ZNF732: variants seen among roughly 807,000 people sequenced by gnomAD.
The protein encoded by ZNF732 is zinc finger protein 732.
In ZNF732, 12 loss-of-function variants were observed where a neutral mutation model predicts 11.5. The ratio of observed to expected loss-of-function variants is 1.05; its 90% CI spans 0.67 to 1.70. ZNF732 has a LOEUF of 1.70. Ranked by LOEUF, ZNF732 falls within the 40% of genes most tolerant of loss-of-function variation. ZNF732 has a pLI of 0.00. For missense variants in ZNF732, 702 were observed against 676.9 expected, an observed-to-expected ratio of 1.04 and a Z score of -0.41; for synonymous variants, 231 against 236.5, an observed-to-expected ratio of 0.98 and a Z score of 0.21.
At chr4:283,566 A>G (rs539386449) in intron 3 of ZNF732, among the ~76,000 whole-genome samples, 6 of 152,084 alleles carry the variant, frequency 3.9e-5, no homozygotes, top group Non-Finnish European at 7.4e-5. Flanking sequence ...TCAAAAGAAT[A>G]TAACAATTAA....
intron 1 of ZNF732, among the ~76,000 whole-genome samples, chr4:299,439 A>ATGTG (rs1720046945): frequency 2.2e-5 from 1 of 45,820 alleles, no homozygotes; most frequent in Non-Finnish European, 4.2e-5. Context: ...ATATGTGTAT[A>ATGTG]TATATATATA....
In ZNF732 at chr4:271,000, A is replaced by G. The variant is rs1221395994; in HGVS notation, c.*99T>C. The G allele has an allele frequency of 2.8e-6, 3 of 1,061,172 alleles. No individual in the cohort carries two copies. The highest frequency in any genetic ancestry group is 1.6e-5 in the African/African-American group (1 of 62,070). 65.7% of individuals were successfully genotyped at this position (1,061,172 alleles called of 1,614,324 possible). On this transcript the variant is annotated 3_prime_UTR_variant, in exon 4 of 4. Transcript: ENST00000419098. ...TTGTGGACCATCCAAAAGCTTTGCC[A>G]CATTCTTCACATTTGTATAGTTTAT...
At chr4:277,550 A>G (rs1413694338) in intron 3 of ZNF732, among the ~76,000 whole-genome samples, 6 of 152,102 alleles carry the variant, frequency 3.9e-5, no homozygotes, top group African/African-American at 1.4e-4. Context: ...AATGCAAATC[A>G]AAACCACAAT....
intron 1 of ZNF732, among the ~76,000 whole-genome samples, chr4:299,548 T>A (rs1720065086): frequency 7.3e-6 from 1 of 137,484 alleles, no homozygotes; most frequent in African/African-American, 2.7e-5. Context: ...TATACACATA[T>A]ATATGTATAT....
chr4:286,024 G>A (rs1719722151), intron 3 of ZNF732, among the ~76,000 whole-genome samples: 1 of 152,220 alleles, frequency 6.6e-6, no homozygotes, highest in Admixed American at 6.5e-5. Flanking sequence ...TGGGATATGT[G>A]TCCACATTTC....
chr4:298,201 A>G (rs953702034), intron 1 of ZNF732, among the ~76,000 whole-genome samples: 23 of 152,318 alleles, frequency 1.5e-4, no homozygotes, highest in African/African-American at 5.3e-4. Context: ...AAACAATAAA[A>G]GGGAAGTAAC....
intron 3 of ZNF732, among the ~76,000 whole-genome samples, chr4:293,055 A>G (rs1553841581): frequency 7.3e-6 from 1 of 136,368 alleles, no homozygotes; most frequent in Non-Finnish European, 1.6e-5. Flanking sequence ...GCAACAGAGC[A>G]AGACTCCATC....
chr4:305,183 C>G, intron 1 of ZNF732, 125 bp downstream of exon 1: 2 of 1,353,592 alleles, frequency 1.5e-6, no homozygotes, highest in Non-Finnish European at 2.0e-6. Flanking sequence ...CCGGAAGGGA[C>G]CAAGGACTGA....
chr4:295,625 G>T (rs782410776), intron 2 of ZNF732, 92 bp from the exon 3 acceptor site: 5 of 1,108,408 alleles, frequency 4.5e-6, no homozygotes, highest in Admixed American at 3.0e-5. Flanking sequence ...AATTATGGAA[G>T]ATCCTACATA....
At chr4:279,578 ATTGT>A (rs1475023479) in intron 3 of ZNF732, among the ~76,000 whole-genome samples, 1 of 152,178 alleles carries the variant, frequency 6.6e-6, no homozygotes, top group East Asian at 1.9e-4. Flanking sequence ...ATGGCAGTTT[ATTGT>A]TTATGAGGTA....
At chr4:296,282 G>T in intron 1 of ZNF732, 127 bp from the exon 2 acceptor site, 2 of 1,268,814 alleles carry the variant, frequency 1.6e-6, no homozygotes, top group South Asian at 1.6e-5. Context: ...ACACAGTAAT[G>T]TTCTCTAAAG....
At chr4:280,739 A>C (rs1236321310) in intron 3 of ZNF732, among the ~76,000 whole-genome samples, 1 of 152,200 alleles carries the variant, frequency 6.6e-6, no homozygotes, top group Non-Finnish European at 1.5e-5. Flanking sequence ...CCAGCTACAG[A>C]ATAAAATGTG....
intron 3 of ZNF732, among the ~76,000 whole-genome samples, chr4:277,362 T>C (rs1449937343): frequency 1.3e-5 from 2 of 152,096 alleles, no homozygotes; most frequent in East Asian, 1.9e-4. Flanking sequence ...ATCTACACAA[T>C]GAAATAAAAT....
chr4:271,801 A>G lies in ZNF732; in HGVS notation c.1056T>C (p.His352=). The change falls in exon 4 of 4, where the codon CAT becomes CAC. Residue 352 remains histidine (H), a synonymous_variant. Transcript: ENST00000419098. ...GCTTCTCTCCAGTATGAATTCTCTT[A>G]TGTTCATTCAGAACTGAGGACCTAC... ...AFSRSSVLNE[H]KRIHTGEKPY... The G allele has an allele frequency of 6.2e-7, 1 of 1,613,144 alleles. No homozygotes were observed. Among genetic ancestry groups the G allele is most frequent in the Non-Finnish European group, 8.5e-7 (1 of 1,179,586 alleles).
Position 271,710 on chromosome 4 carries a change from T to C in ZNF732, c.1147A>G (p.Ile383Val). Residue 383 changes from isoleucine (I) to valine (V), a missense_variant, in exon 4 of 4, where the codon ATT becomes GTT. Physicochemically the swap from Ile to Val is conservative, Grantham distance 29 (BLOSUM62 3). This residue lies in a region of ZNF732 where 596 missense variants were observed against 557.9 expected (regional missense o/e 1.07). Coordinates refer to ENST00000419098, the MANE Select transcript of ZNF732 (RefSeq NM_001137608.3). ...GTGTAGGGTTTCTCTCCAGTATGAA[T>C]ACTCTTATGTTTATTAAGGGTTGCG... is the stretch of plus-strand genomic sequence containing the variant. Reference protein sequence around the residue: ...QSATLNKHKSIHTGEKPYTCE... With the variant: ...QSATLNKHKSVHTGEKPYTCE... 5 of 1,612,962 alleles carry C rather than the reference T, an allele frequency of 3.1e-6. No homozygotes were observed. In the South Asian group the frequency reaches 5.5e-5, roughly 18 times the overall value.
At chr4:288,726 T>C (rs910404852) in intron 3 of ZNF732, among the ~76,000 whole-genome samples, 1 of 152,224 alleles carries the variant, frequency 6.6e-6, no homozygotes, top group Non-Finnish European at 1.5e-5. Context: ...GTCCTTGAAA[T>C]TCTATGTAAA....
At chr4:305,202 C>A (rs1404806286) in intron 1 of ZNF732, 106 bp downstream of exon 1, 4 of 1,426,006 alleles carry the variant, frequency 2.8e-6, no homozygotes, top group South Asian at 1.4e-5. Flanking sequence ...GAGGGCTGAG[C>A]GGCGGCAGCG....
chr4:290,593 C>G (rs1456631702), intron 3 of ZNF732, among the ~76,000 whole-genome samples: 1 of 152,212 alleles, frequency 6.6e-6, no homozygotes, highest in Non-Finnish European at 1.5e-5. Context: ...CACAGAGAGA[C>G]CTGTAAAAAC....
chr4:277,483 A>G (rs1719521686), intron 3 of ZNF732, among the ~76,000 whole-genome samples: 1 of 152,032 alleles, frequency 6.6e-6, no homozygotes, highest in Admixed American at 6.6e-5. Context: ...TTTCAAAAGA[A>G]ATACAGATGG....
Sources: gnomAD v4.1 joint callset for allele counts (sites outside exome capture counted in the v4.1 genomes callset) on GRCh38, gnomAD v4.1.1 for gene constraint, gnomAD v4.1.1 regional missense constraint, MANE v1.5 for transcripts, NCBI Gene and HGNC (gene_info 2026-07-23, HGNC 2026-07-21) for gene names.